Variants in RTTN observed in about 807,000 individuals in gnomAD.
The protein encoded by RTTN is rotatin.
Under a neutral mutation model 269.2 loss-of-function variants are expected in RTTN, and 182 were observed. The observed-to-expected ratio is 0.68, with a 90% CI of 0.60 to 0.76. The LOEUF (loss-of-function observed/expected upper bound fraction) is 0.76. Among genes scored for constraint, RTTN ranks in the 30% least tolerant of loss-of-function variants. RTTN has a pLI of 0.00. For synonymous variants in RTTN, 1,006 were observed against 963.5 expected, an observed-to-expected ratio of 1.04 and a Z score of -0.82; for missense variants, 2,545 against 2,608.6, an observed-to-expected ratio of 0.98 and a Z score of 0.53.
intron 6 of RTTN, 80 bp downstream of exon 6, chr18:70,197,544 G>C: frequency 1.2e-6 from 1 of 818,072 alleles, no homozygotes; most frequent in Non-Finnish European, 2.1e-6. Flanking sequence ...TCCTTCCCAA[G>C]AACTCCTACT....
At chr18:70,112,570 A>C (rs1481130775) in intron 27 of RTTN, among the ~76,000 whole-genome samples, 2 of 152,142 alleles carry the variant, frequency 1.3e-5, no homozygotes, top group African/African-American at 4.8e-5. Context: ...GAGAAAAAGA[A>C]GGGCACTACA....
At chr18:70,112,098 C>T (rs1369845068) in intron 27 of RTTN, among the ~76,000 whole-genome samples, 1 of 152,118 alleles carries the variant, frequency 6.6e-6, no homozygotes, top group Non-Finnish European at 1.5e-5. Context: ...TACAGACAAG[C>T]AAATGCTGAG....
At chr18:70,053,346 A>G (rs182651334) in intron 38 of RTTN, 2 of 152,236 alleles carry the variant, frequency 1.3e-5, no homozygotes, top group Admixed American at 6.5e-5. Flanking sequence ...GGGTGATATC[A>G]CCTTGTTGAG....
chr18:70,113,988 G>A (rs924122121), intron 27 of RTTN, among the ~76,000 whole-genome samples: 7 of 152,024 alleles, frequency 4.6e-5, no homozygotes, highest in Admixed American at 2.0e-4. Flanking sequence ...CAAACATTGC[G>A]GATATACTAA....
Position 70,197,756 on chromosome 18 carries a change from A to T in RTTN, c.579-18T>A, listed in dbSNP as rs1176040675. On this transcript the variant is annotated intron_variant, in intron 5 of 48. Transcript: ENST00000640769. ...TTAAAGAGCTACAAAACATAGCGTT[A>T]ATCATTTTTAAGAAGAGTTCATCTA... is the stretch of plus-strand genomic sequence containing the variant. 1 of 1,444,204 alleles carries T rather than the reference A, an allele frequency of 6.9e-7. No individual in the cohort carries two copies. The highest frequency in any genetic ancestry group is 9.7e-7 in the Non-Finnish European group (1 of 1,026,204). The allele number at this position is 1,444,204 out of a possible 1,614,324, so 89.5% of individuals were successfully genotyped here. A position where few individuals can be genotyped will look rare whatever the true frequency, so the allele number is the denominator to read the frequency against.
intron 4 of RTTN, among the ~76,000 whole-genome samples, chr18:70,200,723 T>C (rs1214601063): frequency 6.6e-6 from 1 of 152,236 alleles, no homozygotes; most frequent in Non-Finnish European, 1.5e-5. Context: ...CCTTTTCAAC[T>C]TAACTGTGCA....
chr18:70,194,050 A>C (rs2061745298), intron 7 of RTTN: 1 of 152,370 alleles, frequency 6.6e-6, no homozygotes, highest in South Asian at 2.1e-4. Context: ...ATAAGGGTTT[A>C]ATTTTCAGAA....
intron 34 of RTTN, 104 bp downstream of exon 34, chr18:70,073,802 T>C (rs1404100280): frequency 1.1e-5 from 8 of 756,136 alleles, no homozygotes; most frequent in East Asian, 2.6e-5. Context: ...GAATAAATCA[T>C]AGCTGTTATA....
At position 70,145,695 on chromosome 18, in the gene RTTN, C is replaced by T; in HGVS notation, c.2398G>A (p.Val800Ile). 1 of 1,613,432 alleles carries T rather than the reference C, an allele frequency of 6.2e-7. No individual in the cohort carries two copies. Among genetic ancestry groups the T allele is most frequent in the Non-Finnish European group, 8.5e-7 (1 of 1,179,536 alleles). The change falls in exon 18 of 49, where the codon GTT becomes ATT. Residue 800 changes from valine (V) to isoleucine (I), a missense_variant. Physicochemically the swap from Val to Ile is conservative, Grantham distance 29. Transcript: ENST00000640769. The stretch of plus-strand genomic sequence containing the variant: ...AATAAATCAGTAACTCTGGAGAGAA[C>T]TCTGGCGTCTATTAGAGGACGCTTT... ...DTKRPLIDAR[V>I]LSRVTDLFIG...
intron 26 of RTTN, among the ~76,000 whole-genome samples, chr18:70,120,912 G>A (rs866878310): frequency 1.3e-4 from 20 of 151,956 alleles, no homozygotes; most frequent in African/African-American, 3.4e-4. Context: ...TTAGCTGGGC[G>A]TGGTGGCAGG....
intron 5 of RTTN, among the ~76,000 whole-genome samples, chr18:70,198,361 GC>G (rs899907189): frequency 1.3e-5 from 2 of 152,096 alleles, no homozygotes; most frequent in African/African-American, 4.8e-5. Context: ...CGCCATCTCT[GC>G]CTTTGGGACT....
chr18:70,029,709 G>A (rs2056957304), intron 42 of RTTN, among the ~76,000 whole-genome samples: 1 of 152,100 alleles, frequency 6.6e-6, no homozygotes, highest in Non-Finnish European at 1.5e-5. Context: ...TGCTTGTTTT[G>A]AGATAAAGAT....
At chr18:70,194,966 C>T (rs888163629) in intron 7 of RTTN, among the ~76,000 whole-genome samples, 12 of 151,938 alleles carry the variant, frequency 7.9e-5, no homozygotes, top group African/African-American at 2.9e-4. Context: ...CCTATTTTAC[C>T]CCAATTTAAA....
intron 18 of RTTN, among the ~76,000 whole-genome samples, chr18:70,144,855 A>G (rs1416002432): frequency 6.6e-6 from 1 of 152,242 alleles, no homozygotes; most frequent in African/African-American, 2.4e-5. Context: ...AAGTTAGTCT[A>G]AAATAAAACA....
At chr18:70,087,941 C>T (rs753011701) in intron 31 of RTTN, 48 bp downstream of exon 31, 1 of 1,588,824 alleles carries the variant, frequency 6.3e-7, no homozygotes, top group African/African-American at 1.3e-5. Context: ...CTTACGGATA[C>T]CATCACAAAG....
At position 70,088,050 on chromosome 18, in the gene RTTN, A is replaced by T; in HGVS notation, c.4241T>A (p.Leu1414His). Residue 1414 changes from leucine to histidine, a missense_variant, in exon 31 of 49, where the codon CTC (leucine) becomes CAC (histidine). Transcript: ENST00000640769. The stretch of plus-strand genomic sequence containing the variant: ...AAGAATGTTCACCACAGTTCCCCAG[A>T]GCCCACCGGAAATGTTCTGACAACT... ...ANSCQNISGG[L>H]WGTVVNILLD... 6.2e-7 allele frequency: 1 copy of T among 1,613,912 alleles called. No individual in the cohort carries two copies. Among genetic ancestry groups the T allele is most frequent in the African/African-American group, 1.3e-5 (1 of 75,026 alleles).
intron 15 of RTTN, 32 bp downstream of exon 15, chr18:70,150,576 T>G: frequency 6.2e-7 from 1 of 1,600,422 alleles, no homozygotes; most frequent in Non-Finnish European, 8.6e-7. Flanking sequence ...TCTAAGTTAC[T>G]GTAATATTTT....
At chr18:70,112,303 C>T (rs990339151) in intron 27 of RTTN, among the ~76,000 whole-genome samples, 1 of 151,952 alleles carries the variant, frequency 6.6e-6, no homozygotes, top group Non-Finnish European at 1.5e-5. Flanking sequence ...TCACACATAA[C>T]AATATTAACC....
intron 26 of RTTN, among the ~76,000 whole-genome samples, chr18:70,117,123 G>C (rs1324843738): frequency 6.6e-6 from 1 of 152,112 alleles, no homozygotes; most frequent in African/African-American, 2.4e-5. Context: ...CCCTCGGGAA[G>C]TTAGCTGATT....
Sources: gnomAD v4.1 joint callset for allele counts (sites outside exome capture counted in the v4.1 genomes callset) on GRCh38, gnomAD v4.1.1 for gene constraint, MANE v1.5 for transcripts, NCBI Gene and HGNC (gene_info 2026-07-23, HGNC 2026-07-21) for gene names.